Variants in CSGALNACT1 observed in about 807,000 individuals in gnomAD.
CSGALNACT1 encodes the protein beta4GalNAcT-1.
In CSGALNACT1, 52 loss-of-function variants were observed where a neutral mutation model predicts 51.0. That is an observed-to-expected ratio of 1.02 (90% CI 0.82 to 1.29). The LOEUF (loss-of-function observed/expected upper bound fraction) is 1.29, where lower values mean the gene tolerates loss of function less well. Ranked by LOEUF, CSGALNACT1 falls within the 50% of genes most tolerant of loss-of-function variation. The pLI, the probability that CSGALNACT1 is intolerant of heterozygous loss-of-function variation, is 0.00. For synonymous variants in CSGALNACT1, 341 were observed against 254.4 expected (o/e 1.34, Z -3.24); for missense variants, 935 against 679.2 (o/e 1.38, Z -4.19).
intron 1 of CSGALNACT1, among the ~76,000 whole-genome samples, chr8:19,701,056 T>C (rs1161473453): frequency 6.6e-6 from 1 of 151,808 alleles, no homozygotes; most frequent in African/African-American, 2.4e-5. Flanking sequence ...CCCTTCCCTC[T>C]TATGCCATCA....
exon 10 of CSGALNACT1, chr8:19,405,662 C>A: frequency 7.6e-7 from 1 of 1,308,754 alleles, no homozygotes; most frequent in East Asian, 2.4e-5. Flanking sequence ...TTTCTCATCT[C>A]TGACCCATCA....
chr8:19,454,985 T>A (rs1055896941), intron 5 of CSGALNACT1, among the ~76,000 whole-genome samples: 1 of 152,196 alleles, frequency 6.6e-6, no homozygotes, highest in Admixed American at 6.5e-5. Context: ...AGAAATAGAA[T>A]GTATAGTATA....
At chr8:19,478,572 A>T (rs2070462448) in intron 4 of CSGALNACT1, among the ~76,000 whole-genome samples, 1 of 152,176 alleles carries the variant, frequency 6.6e-6, no homozygotes, top group Non-Finnish European at 1.5e-5. Context: ...GATTTCAATG[A>T]TTCCATAATC....
At chr8:19,421,393 G>T (rs1295025154) in intron 6 of CSGALNACT1, among the ~76,000 whole-genome samples, 1 of 152,210 alleles carries the variant, frequency 6.6e-6, no homozygotes. Context: ...TTAAGCTAAC[G>T]TTCCACGAAT....
At chr8:19,548,190 C>T (rs1337201266) in intron 3 of CSGALNACT1, among the ~76,000 whole-genome samples, 1 of 152,204 alleles carries the variant, frequency 6.6e-6, no homozygotes, top group Non-Finnish European at 1.5e-5. Flanking sequence ...TTCAGTCCAA[C>T]TGGAATTTTC....
In CSGALNACT1 at chr8:19,581,217, A is replaced by G. The variant is rs541951427; in HGVS notation, c.-297+9943T>C. 8.9e-4 allele frequency among the ~76,000 whole-genome samples: 135 copies of G among 152,334 alleles called. 2 individuals carry two copies. The highest frequency in any genetic ancestry group is 1.0e-3 in the Non-Finnish European group (68 of 68,030). On this transcript the variant is annotated intron_variant, in intron 3 of 9. Transcript: ENST00000454498. ...AAGCCATCACAGTAAAACTGTGAAAATCAAATATAAAATCTTAAAAGCAGC... is the reference window on the plus strand; with the variant it reads ...AAGCCATCACAGTAAAACTGTGAAAGTCAAATATAAAATCTTAAAAGCAGC...
At chr8:19,506,068 C>G (rs1361445978) in exon 4 of CSGALNACT1, 2 of 682,784 alleles carry the variant, frequency 2.9e-6, no homozygotes, top group Non-Finnish European at 2.7e-6. Context: ...AGTGAAATCT[C>G]CAAGTTTTCA....
intron 1 of CSGALNACT1, among the ~76,000 whole-genome samples, chr8:19,725,338 A>T (rs956053966): frequency 2.0e-5 from 3 of 152,198 alleles, no homozygotes; most frequent in Non-Finnish European, 4.4e-5. Context: ...TGGCTCTGGA[A>T]AGTAGCTTGG....
chr8:19,595,811 T>G (rs771369604), intron 2 of CSGALNACT1, among the ~76,000 whole-genome samples: 1 of 152,046 alleles, frequency 6.6e-6, no homozygotes, highest in Non-Finnish European at 1.5e-5. Context: ...CAGACTTCTC[T>G]GCACAACTCC....
chr8:19,574,380 C>A (rs2043696432), intron 3 of CSGALNACT1, among the ~76,000 whole-genome samples: 1 of 152,226 alleles, frequency 6.6e-6, no homozygotes, highest in African/African-American at 2.4e-5. Context: ...AATCTGCCAT[C>A]CATTTCCAGC....
At chr8:19,477,681 C>T (rs116074819) in intron 4 of CSGALNACT1, among the ~76,000 whole-genome samples, 1 of 152,190 alleles carries the variant, frequency 6.6e-6, no homozygotes. Flanking sequence ...CCAGCTGTGT[C>T]ATTTTGGGCA....
At chr8:19,666,768 A>C (rs571057100) in intron 1 of CSGALNACT1, among the ~76,000 whole-genome samples, 453 of 8,370 alleles carry the variant, frequency 0.054, 6 homozygotes, top group African/African-American at 0.09. Flanking sequence ...AAGAAGAAAG[A>C]AAGAAAGAAA....
At chr8:19,559,741 C>A (rs1588334512) in intron 3 of CSGALNACT1, among the ~76,000 whole-genome samples, 1 of 152,262 alleles carries the variant, frequency 6.6e-6, no homozygotes, top group East Asian at 1.9e-4. Flanking sequence ...TAACAAAAGA[C>A]ATGCAGAAAC....
chr8:19,497,083 G>T (rs1304415600), intron 4 of CSGALNACT1, among the ~76,000 whole-genome samples: 2 of 152,278 alleles, frequency 1.3e-5, no homozygotes, highest in African/African-American at 4.8e-5. Flanking sequence ...TGCAGCTGAG[G>T]AAGGCGGAGT....
chr8:19,410,247 C>T (rs146683679), intron 8 of CSGALNACT1, among the ~76,000 whole-genome samples: 397 of 152,256 alleles, frequency 2.6e-3, no homozygotes, highest in Non-Finnish European at 4.3e-3. Flanking sequence ...CTTCAGAGTA[C>T]GGGACCGTTA....
At chr8:19,491,141 C>A (rs2074279901) in intron 4 of CSGALNACT1, among the ~76,000 whole-genome samples, 1 of 149,262 alleles carries the variant, frequency 6.7e-6, no homozygotes, top group South Asian at 2.1e-4. Flanking sequence ...GATCTTTTTT[C>A]TTTACATAGC....
chr8:19,485,073 C>T (rs2072524712), intron 4 of CSGALNACT1, among the ~76,000 whole-genome samples: 1 of 152,154 alleles, frequency 6.6e-6, no homozygotes, highest in Non-Finnish European at 1.5e-5. Context: ...GATTGTGATG[C>T]CCTGTTATGG....
intron 1 of CSGALNACT1, among the ~76,000 whole-genome samples, chr8:19,739,956 C>T (rs564488070): frequency 1.3e-5 from 2 of 152,210 alleles, no homozygotes; most frequent in Non-Finnish European, 2.9e-5. Context: ...AGCAGATACT[C>T]AAACCAATGT....
intron 3 of CSGALNACT1, among the ~76,000 whole-genome samples, chr8:19,583,902 C>A (rs1324370343): frequency 6.6e-6 from 1 of 152,192 alleles, no homozygotes; most frequent in Non-Finnish European, 1.5e-5. Context: ...TGAGAGAAGT[C>A]AGACCAATGA....
Sources: gnomAD v4.1 joint callset for allele counts (sites outside exome capture counted in the v4.1 genomes callset) on GRCh38, gnomAD v4.1.1 for gene constraint, MANE v1.5 for transcripts, NCBI Gene and HGNC (gene_info 2026-07-23, HGNC 2026-07-21) for gene names.